The following PHF24 variants were observed in gnomAD, a reference collection of about 807,000 sequenced individuals.
The protein encoded by PHF24 is PHD finger protein 24, also known as Galpha inhibitory interacting protein.
Under a neutral mutation model 42.6 loss-of-function variants are expected in PHF24, and 25 were observed. That is an observed-to-expected ratio of 0.59 (90% CI 0.43 to 0.82). PHF24 has a LOEUF of 0.82. PHF24 is among the 40% of genes least tolerant of loss of function. The pLI, the probability that PHF24 is intolerant of heterozygous loss-of-function variation, is 0.00. For synonymous variants in PHF24, 185 were observed against 204.8 expected (o/e 0.90, Z 0.83); for missense variants, 470 against 538.1 (o/e 0.87, Z 1.25).
the PHF24 span, among the ~76,000 whole-genome samples, chr9:34,749,787 C>T: frequency 2.6e-5 from 4 of 151,604 alleles, no homozygotes; most frequent in Non-Finnish European, 5.9e-5. Context: ...CCCCATCCCC[C>T]GCTGTCTCAA....
At chr9:34,684,909 G>A in the PHF24 span, among the ~76,000 whole-genome samples, 2 of 152,084 alleles carry the variant, frequency 1.3e-5, no homozygotes, top group Admixed American at 6.6e-5. Flanking sequence ...CTGGAGCCAC[G>A]GGGAAGACCC....
the PHF24 span, among the ~76,000 whole-genome samples, chr9:34,802,844 G>A: frequency 2.6e-5 from 4 of 152,192 alleles, no homozygotes; most frequent in African/African-American, 9.6e-5. Context: ...TACTGTCCTC[G>A]GGGTGTTTCA....
chr9:34,948,111 A>G, the PHF24 span, among the ~76,000 whole-genome samples: 1 of 148,524 alleles, frequency 6.7e-6, no homozygotes, highest in Non-Finnish European at 1.5e-5. Flanking sequence ...CTCCGTCTCA[A>G]AAAAAAAAAA....
chr9:34,749,399 T>A, the PHF24 span, among the ~76,000 whole-genome samples: 4 of 152,092 alleles, frequency 2.6e-5, no homozygotes, highest in South Asian at 8.3e-4. Flanking sequence ...GAAGACTACC[T>A]CAAGGCATTT....
the PHF24 span, among the ~76,000 whole-genome samples, chr9:34,822,594 T>C: frequency 3.9e-5 from 6 of 152,304 alleles, no homozygotes; most frequent in South Asian, 6.2e-4. Flanking sequence ...AGTGTGTATA[T>C]GTGGTAGGGT....
At chr9:34,917,201 A>T in the PHF24 span, 3 of 1,451,240 alleles carry the variant, frequency 2.1e-6, no homozygotes, top group South Asian at 3.4e-5. Context: ...GTTCCCACTT[A>T]AATAAAGGCA....
At chr9:34,695,060 C>CTAGATAACTGG in the PHF24 span, among the ~76,000 whole-genome samples, 1 of 152,170 alleles carries the variant, frequency 6.6e-6, no homozygotes, top group Non-Finnish European at 1.5e-5. Context: ...TAGACAGCCT[C>CTAGATAACTGG]TGGATGGGAG....
the PHF24 span, among the ~76,000 whole-genome samples, chr9:34,864,509 G>GA: frequency 2.5e-3 from 376 of 148,792 alleles, 1 homozygote; most frequent in African/African-American, 7.7e-3. Context: ...AGTGCTGAAG[G>GA]AAAAAAAAAA....
the PHF24 span, among the ~76,000 whole-genome samples, chr9:34,943,974 C>T: frequency 6.6e-6 from 1 of 152,248 alleles, no homozygotes; most frequent in African/African-American, 2.4e-5. Context: ...GTCTTCTGAG[C>T]TCTGCCATAA....
At chr9:34,951,230 TA>T in the PHF24 span, among the ~76,000 whole-genome samples, 1 of 152,160 alleles carries the variant, frequency 6.6e-6, no homozygotes, top group South Asian at 2.1e-4. Context: ...TGTATTCTCA[TA>T]TGGGGGTTTG....
the PHF24 span, among the ~76,000 whole-genome samples, chr9:34,692,509 G>T: frequency 0.45 from 68,593 of 151,892 alleles, 17,137 homozygotes; most frequent in East Asian, 0.78. Flanking sequence ...ACTCCACACC[G>T]CCTGTCTGCC....
chr9:34,810,444 G>A, the PHF24 span, among the ~76,000 whole-genome samples: 1 of 152,190 alleles, frequency 6.6e-6, no homozygotes, highest in Non-Finnish European at 1.5e-5. Context: ...TGGCCCTTAG[G>A]GAGCCCTTCT....
Position 34,977,244 on chromosome 9 carries a change from G to GT in PHF24, c.1010+2dup. 1 of 1,601,500 alleles carries GT rather than the reference G, an allele frequency of 6.2e-7. No individual in the cohort carries two copies. The highest frequency in any genetic ancestry group is 8.5e-7 in the Non-Finnish European group (1 of 1,172,732). On this transcript the variant is annotated splice_donor_variant, in intron 6 of 7. Transcript: ENST00000242315. LOFTEE classifies it high-confidence loss of function. Reference sequence around the variant, plus strand: ...CAGAGGCTCCTTCCTGCAGTGTCAGGTCTGCTCCTTACCAGTCCTGGTCCC... The same window carrying GT: ...CAGAGGCTCCTTCCTGCAGTGTCAGGTTCTGCTCCTTACCAGTCCTGGTCCC...
At chr9:34,823,799 A>G in the PHF24 span, among the ~76,000 whole-genome samples, 1 of 152,164 alleles carries the variant, frequency 6.6e-6, no homozygotes, top group Non-Finnish European at 1.5e-5. Flanking sequence ...GCACTGAGGC[A>G]GCCGAGAAGA....
At chr9:34,937,250 G>A in the PHF24 span, among the ~76,000 whole-genome samples, 1 of 152,210 alleles carries the variant, frequency 6.6e-6, no homozygotes. Context: ...GATGGTTGCC[G>A]TGTCTGTGTA....
chr9:34,754,294 G>A, the PHF24 span, among the ~76,000 whole-genome samples: 6 of 152,022 alleles, frequency 3.9e-5, no homozygotes, highest in Non-Finnish European at 4.4e-5. Context: ...CATCTGACAA[G>A]AGCTCTGGAA....
At chr9:34,800,465 C>A in the PHF24 span, among the ~76,000 whole-genome samples, 38 of 152,234 alleles carry the variant, frequency 2.5e-4, no homozygotes, top group African/African-American at 9.1e-4. Context: ...GGTACCAAAA[C>A]AGATATATAG....
At chr9:34,931,362 CA>C in the PHF24 span, among the ~76,000 whole-genome samples, 12 of 99,552 alleles carry the variant, frequency 1.2e-4, no homozygotes, top group African/African-American at 4.5e-4. Context: ...GGCAACAGAG[CA>C]AGACTCTGTA....
the PHF24 span, among the ~76,000 whole-genome samples, chr9:34,944,467 A>G: frequency 2.0e-5 from 3 of 152,256 alleles, no homozygotes; most frequent in African/African-American, 7.2e-5. Flanking sequence ...GAGAAGGGGT[A>G]GAGCCCCTGA....
Sources: allele counts gnomAD v4.1 joint callset (sites outside exome capture counted in the v4.1 genomes callset), GRCh38; gene constraint gnomAD v4.1.1; transcripts MANE v1.5; gene names NCBI Gene and HGNC (gene_info 2026-07-23, HGNC 2026-07-21).